The following CRB1 variants were observed in gnomAD, a reference collection of about 807,000 sequenced individuals.
CRB1 encodes protein crumbs homolog 1.
Under a neutral mutation model 120.0 loss-of-function variants are expected in CRB1, and 83 were observed. That is an observed-to-expected ratio of 0.69 (90% confidence interval 0.58 to 0.83). The LOEUF is 0.83. Ranked by LOEUF, CRB1 falls within the 40% of genes least tolerant of loss-of-function variation. The pLI is 0.00. For missense variants in CRB1, 1,699 were observed against 1,687.6 expected, an observed-to-expected ratio of 1.01 and a Z score of -0.12; for synonymous variants, 625 against 612.5, an observed-to-expected ratio of 1.02 and a Z score of -0.30.
the CRB1 span, among the ~76,000 whole-genome samples, chr1:197,242,664 G>GT: frequency 1.3e-5 from 2 of 152,052 alleles, no homozygotes; most frequent in African/African-American, 4.8e-5. Flanking sequence ...GCCATGTTTT[G>GT]TATCAGGATG....
intron 11 of CRB1, among the ~76,000 whole-genome samples, chr1:197,450,296 G>C (rs1311865351): frequency 6.6e-6 from 1 of 152,184 alleles, no homozygotes; most frequent in Non-Finnish European, 1.5e-5. Flanking sequence ...TTTTCCTTCT[G>C]ATTTCTGCAC....
chr1:197,206,656 G>A, the CRB1 span, among the ~76,000 whole-genome samples: 1 of 151,970 alleles, frequency 6.6e-6, no homozygotes, highest in Non-Finnish European at 1.5e-5. Flanking sequence ...TCATTTTGTG[G>A]CCTATCATAT....
the CRB1 span, among the ~76,000 whole-genome samples, chr1:197,206,092 A>T: frequency 6.6e-6 from 1 of 152,056 alleles, no homozygotes; most frequent in Non-Finnish European, 1.5e-5. Flanking sequence ...CTGTGGTATC[A>T]GCTGTAATAT....
chr1:197,372,331 G>C (rs555293130), intron 5 of CRB1, among the ~76,000 whole-genome samples: 6 of 152,244 alleles, frequency 3.9e-5, no homozygotes, highest in African/African-American at 1.4e-4. Flanking sequence ...AGCTTAGATT[G>C]ACATACTGAT....
chr1:197,388,093 G>A (rs1174523020), intron 5 of CRB1, among the ~76,000 whole-genome samples: 1 of 151,628 alleles, frequency 6.6e-6, no homozygotes, highest in African/African-American at 2.4e-5. Context: ...TCCTCCTTAT[G>A]GATTTGCTTT....
chr1:197,267,848 G>A (rs1226884785), upstream of CRB1, among the ~76,000 whole-genome samples: 3 of 152,112 alleles, frequency 2.0e-5, no homozygotes, highest in South Asian at 4.2e-4. Context: ...TTCATTTTAT[G>A]CAGTAGTTTA....
the CRB1 span, among the ~76,000 whole-genome samples, chr1:197,244,979 T>C: frequency 3.9e-5 from 6 of 152,068 alleles, no homozygotes; most frequent in Non-Finnish European, 8.8e-5. Context: ...TGAGGTTTGT[T>C]TGTCTGTTTG....
chr1:197,294,618 G>A (rs769453963), intron 1 of CRB1, among the ~76,000 whole-genome samples: 12 of 152,064 alleles, frequency 7.9e-5, no homozygotes, highest in Non-Finnish European at 1.2e-4. Context: ...TACGTTTATT[G>A]CGGCACTATT....
intron 7 of CRB1, 112 bp from the exon 8 acceptor site, chr1:197,429,337 T>G: frequency 7.0e-7 from 1 of 1,419,210 alleles, no homozygotes; most frequent in Non-Finnish European, 9.9e-7. Context: ...GTTTAAAATG[T>G]AAAGATGCAG....
intron 1 of CRB1, among the ~76,000 whole-genome samples, chr1:197,280,358 A>G (rs1408992969): frequency 6.6e-6 from 1 of 151,886 alleles, no homozygotes; most frequent in Admixed American, 6.6e-5. Context: ...CCACCTGTGA[A>G]TAATAATCTA....
At chr1:197,407,257 T>C (rs1663460601) in intron 5 of CRB1, among the ~76,000 whole-genome samples, 1 of 152,238 alleles carries the variant, frequency 6.6e-6, no homozygotes, top group Admixed American at 6.5e-5. Context: ...TGAAATCTAC[T>C]CAGTTAATAG....
intron 4 of CRB1, among the ~76,000 whole-genome samples, chr1:197,348,912 C>A (rs2125336063): frequency 7.1e-6 from 1 of 140,520 alleles, no homozygotes; most frequent in Non-Finnish European, 1.5e-5. Flanking sequence ...GTTTTTAAGA[C>A]AGAAAATTTT....
rs539078325 is a variant in CRB1, at chr1:197,376,321, T to C, written c.1171+19308T>C. Among the ~76,000 whole-genome samples, 291 of 152,282 alleles carry C rather than the reference T, an allele frequency of 1.9e-3. 1 individual carries two copies. The highest frequency in any genetic ancestry group is 3.4e-3 in the Non-Finnish European group (229 of 68,022). On this transcript the variant is annotated intron_variant, in intron 5 of 11. Transcript: ENST00000367400. ...TTTTGTATTTAGATAGCTAAAATGA[T>C]TTTCAAACATAACATAACCCAGGCA...
chr1:197,312,488 A>G (rs1215690580), intron 1 of CRB1, among the ~76,000 whole-genome samples: 1 of 152,240 alleles, frequency 6.6e-6, no homozygotes, highest in Non-Finnish European at 1.5e-5. Flanking sequence ...AGGCTGAGGC[A>G]GGAGAACTGC....
intron 11 of CRB1, chr1:197,444,461 G>C (rs560302241): frequency 3.1e-4 from 47 of 152,302 alleles, no homozygotes; most frequent in African/African-American, 1.1e-3. Context: ...ACATTCACAA[G>C]TATTTGCAAT....
At chr1:197,301,102 TGGGCAA>T (rs1377211147) in intron 1 of CRB1, among the ~76,000 whole-genome samples, 3 of 151,772 alleles carry the variant, frequency 2.0e-5, no homozygotes, top group Admixed American at 6.6e-5. Context: ...CTGATGGAGA[TGGGCAA>T]GGATGTGAAT....
chr1:197,370,169 C>T (rs1032704073), intron 5 of CRB1, among the ~76,000 whole-genome samples: 2 of 152,018 alleles, frequency 1.3e-5, no homozygotes, highest in Admixed American at 1.3e-4. Flanking sequence ...TGAAACAGAA[C>T]TTCAAAATAC....
chr1:197,449,424 T>C (rs1453692921), intron 11 of CRB1, among the ~76,000 whole-genome samples: 3 of 152,178 alleles, frequency 2.0e-5, no homozygotes, highest in Admixed American at 2.0e-4. Flanking sequence ...TGGAGTGCAG[T>C]GGCGCAATCT....
intron 1 of CRB1, 152 bp downstream of exon 1, chr1:197,268,634 A>G (rs1042999182): frequency 7.9e-6 from 5 of 629,354 alleles, no homozygotes; most frequent in Non-Finnish European, 1.4e-5. Flanking sequence ...TGTGTTAAAG[A>G]AATCAGTGAT....
Sources: allele counts gnomAD v4.1 joint callset (sites outside exome capture counted in the v4.1 genomes callset), GRCh38; gene constraint gnomAD v4.1.1; transcripts MANE v1.5; gene names NCBI Gene and HGNC (gene_info 2026-07-23, HGNC 2026-07-21).